Variants in RBM20 observed in about 807,000 individuals in gnomAD.
The protein encoded by RBM20 is RNA-binding protein 20.
RBM20 carries 51 observed loss-of-function variants against 110.1 expected under a neutral mutation model. That is an observed-to-expected ratio of 0.46 (90% CI 0.37 to 0.59). The LOEUF is 0.59. Ranked by LOEUF, RBM20 falls within the 20% of genes least tolerant of loss-of-function variation. The probability of loss-of-function intolerance (pLI) is 0.00; values close to 1 mark genes in which losing one functional copy is unlikely to be tolerated. For missense variants in RBM20, 1,512 were observed against 1,574.9 expected, an observed-to-expected ratio of 0.96 and a Z score of 0.68; for synonymous variants, 589 against 618.2, an observed-to-expected ratio of 0.95 and a Z score of 0.70.
chr10:110,746,827 T>C (rs1042836006), intron 1 of RBM20, among the ~76,000 whole-genome samples: 4 of 152,240 alleles, frequency 2.6e-5, no homozygotes, highest in Non-Finnish European at 5.9e-5. Context: ...GACTCAATCA[T>C]GAAGAAAAAT....
At chr10:110,669,447 C>G (rs1052032661) in intron 1 of RBM20, among the ~76,000 whole-genome samples, 3 of 152,200 alleles carry the variant, frequency 2.0e-5, no homozygotes, top group Admixed American at 6.5e-5. Context: ...TGAAAAGCCT[C>G]TTATGGTTTT....
chr10:110,747,700 G>A (rs559780882), intron 1 of RBM20, among the ~76,000 whole-genome samples: 3 of 152,276 alleles, frequency 2.0e-5, no homozygotes, highest in Non-Finnish European at 4.4e-5. Flanking sequence ...CTAGAAGGTA[G>A]ATTAAATGAC....
chr10:110,676,790 TA>T (rs1383688882), intron 1 of RBM20, among the ~76,000 whole-genome samples: 4 of 75,584 alleles, frequency 5.3e-5, no homozygotes, highest in Non-Finnish European at 1.2e-4. Flanking sequence ...CAACAAATGC[TA>T]TTTTTTTTGC....
intron 1 of RBM20, among the ~76,000 whole-genome samples, chr10:110,662,433 G>A (rs866162623): frequency 5.9e-5 from 9 of 152,102 alleles, no homozygotes; most frequent in African/African-American, 1.9e-4. Context: ...AAATTTCCTC[G>A]GTCTAAAATG....
Position 110,822,613 on chromosome 10 carries a change from C to A in RBM20, c.3316+678C>A, listed in dbSNP as rs148662252. On this transcript the variant is annotated intron_variant, in intron 11 of 13. Transcript: ENST00000369519. ...GTTTGGGGGGAGGGAGAGAGAGTAG[C>A]CTTTAAGATTCTCACTGTGAAAATA... 1.4e-3 allele frequency: 550 copies of A among 381,174 alleles called. 1 individual carries two copies. Among genetic ancestry groups the A allele is most frequent in the Non-Finnish European group, 2.3e-3 (454 of 194,324 alleles). 23.6% of individuals were successfully genotyped at this position (381,174 alleles called of 1,614,324 possible).
chr10:110,707,163 G>T (rs965305890), intron 1 of RBM20, among the ~76,000 whole-genome samples: 13 of 152,068 alleles, frequency 8.5e-5, no homozygotes, highest in Admixed American at 2.0e-4. Flanking sequence ...ATGGCTATAG[G>T]GAATATTGGG....
chr10:110,781,743 T>C lies in RBM20; in HGVS notation c.1134T>C (p.Ala378=). ...ACAGCAAACAGGGTTTTATCGGTGC[T>C]GGGCGGAGGGCCAAGGAGGACCAGG... is the stretch of plus-strand genomic sequence containing the variant. ...LNNSKQGFIG[A]GRRAKEDQAL... is the part of the protein sequence containing the mutation. The change falls in exon 2 of 14, where the codon GCT becomes GCC. Residue 378 remains alanine (A), a synonymous_variant. Transcript: ENST00000369519. 6.4e-7 allele frequency: 1 copy of C among 1,551,894 alleles called. No individual in the cohort carries two copies.
At chr10:110,645,477 A>G (rs1265164565) in intron 1 of RBM20, among the ~76,000 whole-genome samples, 1 of 152,248 alleles carries the variant, frequency 6.6e-6, no homozygotes, top group Admixed American at 6.5e-5. Flanking sequence ...AACTAGTTTA[A>G]TAAGTGTAGG....
chr10:110,677,637 G>C (rs574424057), intron 1 of RBM20, among the ~76,000 whole-genome samples: 39 of 152,278 alleles, frequency 2.6e-4, no homozygotes, highest in African/African-American at 9.1e-4. Context: ...ATCTTAAAGG[G>C]GACAAATATT....
At chr10:110,762,933 C>T (rs1387691311) in intron 1 of RBM20, among the ~76,000 whole-genome samples, 2 of 152,148 alleles carry the variant, frequency 1.3e-5, no homozygotes, top group Non-Finnish European at 2.9e-5. Context: ...ACCTAGTAGA[C>T]CATGGGAAGG....
chr10:110,697,019 G>A (rs1476873890), intron 1 of RBM20, among the ~76,000 whole-genome samples: 3 of 152,130 alleles, frequency 2.0e-5, no homozygotes, highest in Non-Finnish European at 2.9e-5. Flanking sequence ...GTTTTGTTGG[G>A]GACTTTTTTA....
intron 1 of RBM20, among the ~76,000 whole-genome samples, chr10:110,686,117 G>T (rs76878107): frequency 6.6e-6 from 1 of 152,160 alleles, no homozygotes; most frequent in African/African-American, 2.4e-5. Flanking sequence ...ATGGAGCCCA[G>T]TCCATTCCTG....
At chr10:110,680,810 C>T (rs12355755) in intron 1 of RBM20, among the ~76,000 whole-genome samples, 103,114 of 151,980 alleles carry the variant, frequency 0.68, 37,254 homozygotes, top group Non-Finnish European at 0.8. Flanking sequence ...CTCGAGGGTC[C>T]GTTTGCTCAG....
chr10:110,826,038 G>A (rs726804), intron 12 of RBM20, among the ~76,000 whole-genome samples: 73,455 of 151,918 alleles, frequency 0.48, 18,050 homozygotes, highest in East Asian at 0.61. Context: ...GTGGGAGAGC[G>A]TCCTAGCCAG....
chr10:110,662,307 C>G (rs137890280), intron 1 of RBM20, among the ~76,000 whole-genome samples: 2 of 152,178 alleles, frequency 1.3e-5, no homozygotes, highest in Non-Finnish European at 2.9e-5. Flanking sequence ...ATTTTCAAAC[C>G]GAATATTTAA....
At chr10:110,817,675 G>C (rs1382204609) in intron 9 of RBM20, among the ~76,000 whole-genome samples, 1 of 152,204 alleles carries the variant, frequency 6.6e-6, no homozygotes. Context: ...ATGAAGGTAC[G>C]CAATGCTGTG....
At chr10:110,698,033 G>A (rs923034409) in intron 1 of RBM20, among the ~76,000 whole-genome samples, 24 of 151,216 alleles carry the variant, frequency 1.6e-4, no homozygotes, top group African/African-American at 5.1e-4. Context: ...TCAGCCTCCC[G>A]AGTAGCTGGG....
chr10:110,770,616 G>A (rs1844173774), intron 1 of RBM20, among the ~76,000 whole-genome samples: 2 of 152,176 alleles, frequency 1.3e-5, no homozygotes, highest in African/African-American at 2.4e-5. Flanking sequence ...CAGTTAAAAT[G>A]TCTAGGTTAA....
At chr10:110,797,032 T>C (rs752952808) in intron 5 of RBM20, among the ~76,000 whole-genome samples, 1 of 152,240 alleles carries the variant, frequency 6.6e-6, no homozygotes, top group Non-Finnish European at 1.5e-5. Context: ...TTAATATTGC[T>C]AAAGTATATT....
Sources: allele counts gnomAD v4.1 joint callset (sites outside exome capture counted in the v4.1 genomes callset), GRCh38; gene constraint gnomAD v4.1.1; transcripts MANE v1.5; gene names NCBI Gene and HGNC (gene_info 2026-07-23, HGNC 2026-07-21).